The following CDH12 variants were observed in gnomAD, a reference collection of about 807,000 sequenced individuals.
CDH12 encodes the protein cadherin 12.
Under a neutral mutation model 74.1 loss-of-function variants are expected in CDH12, and 41 were observed. The observed-to-expected ratio is 0.55, with a 90% CI of 0.43 to 0.72. CDH12 has a LOEUF of 0.72. CDH12 is among the 30% of genes least tolerant of loss of function. The probability of loss-of-function intolerance (pLI) is 0.00; values close to 1 mark genes in which losing one functional copy is unlikely to be tolerated. For synonymous variants in CDH12, 399 were observed against 355.0 expected, an observed-to-expected ratio of 1.12 and a Z score of -1.39; for missense variants, 945 against 977.2, an observed-to-expected ratio of 0.97 and a Z score of 0.44.
At chr5:21,876,020 G>A (rs1751920255) in intron 6 of CDH12, among the ~76,000 whole-genome samples, 1 of 150,630 alleles carries the variant, frequency 6.6e-6, no homozygotes, top group Non-Finnish European at 1.5e-5. Flanking sequence ...CTCAGCCTTT[G>A]GAGTAGCTGG....
At chr5:22,661,322 T>A (rs1561559486) in intron 1 of CDH12, among the ~76,000 whole-genome samples, 1 of 152,192 alleles carries the variant, frequency 6.6e-6, no homozygotes, top group South Asian at 2.1e-4. Context: ...AAGAACCTCA[T>A]TATCAGTGCC....
At chr5:22,179,541 C>T (rs189355942) in intron 4 of CDH12, among the ~76,000 whole-genome samples, 9 of 152,218 alleles carry the variant, frequency 5.9e-5, no homozygotes, top group African/African-American at 2.2e-4. Context: ...AGTCATTATT[C>T]TTCTAAAATG....
chr5:21,837,612 T>A (rs780236185), intron 8 of CDH12, among the ~76,000 whole-genome samples: 4 of 152,144 alleles, frequency 2.6e-5, no homozygotes, highest in Non-Finnish European at 4.4e-5. Context: ...TAATTCTATA[T>A]CACACTTGAC....
chr5:22,426,049 T>C (rs1368988265), intron 2 of CDH12, among the ~76,000 whole-genome samples: 2 of 152,042 alleles, frequency 1.3e-5, no homozygotes, highest in East Asian at 1.9e-4. Flanking sequence ...TAGCTGGGTG[T>C]GGTGGCGGGC....
intron 1 of CDH12, among the ~76,000 whole-genome samples, chr5:22,528,154 G>C (rs888322839): frequency 6.6e-6 from 1 of 152,156 alleles, no homozygotes; most frequent in Admixed American, 6.6e-5. Flanking sequence ...GTCATAGCCT[G>C]TCCAGAAGAA....
At chr5:22,787,669 G>A (rs568494733) in intron 1 of CDH12, among the ~76,000 whole-genome samples, 4 of 151,856 alleles carry the variant, frequency 2.6e-5, no homozygotes, top group South Asian at 2.1e-4. Context: ...TTCTAAGGGC[G>A]CCTTTGGCTC....
At chr5:21,836,121 A>ATT (rs1305659704) in intron 8 of CDH12, among the ~76,000 whole-genome samples, 1 of 151,640 alleles carries the variant, frequency 6.6e-6, no homozygotes, top group Non-Finnish European at 1.5e-5. Flanking sequence ...TTTTATTTTG[A>ATT]TTTTTTATGT....
chr5:22,419,203 C>A (rs147504882), intron 2 of CDH12, among the ~76,000 whole-genome samples: 6 of 152,160 alleles, frequency 3.9e-5, no homozygotes, highest in African/African-American at 1.2e-4. Flanking sequence ...TTTGTTACAC[C>A]GGTAAACACG....
intron 4 of CDH12, chr5:22,141,306 T>C (rs895886696): frequency 1.3e-5 from 2 of 152,216 alleles, no homozygotes; most frequent in African/African-American, 4.8e-5. Flanking sequence ...ATTAGAATGA[T>C]AAATGTTATA....
intron 1 of CDH12, among the ~76,000 whole-genome samples, chr5:22,590,925 C>G (rs1225857162): frequency 6.6e-6 from 1 of 152,078 alleles, no homozygotes; most frequent in African/African-American, 2.4e-5. Context: ...GCGGCTTGTC[C>G]TGAAGATAGT....
At chr5:22,406,872 A>T (rs970878030) in intron 2 of CDH12, among the ~76,000 whole-genome samples, 1 of 152,154 alleles carries the variant, frequency 6.6e-6, no homozygotes, top group African/African-American at 2.4e-5. Flanking sequence ...AACTAATACC[A>T]AGTATATGAG....
intron 11 of CDH12, among the ~76,000 whole-genome samples, chr5:21,777,324 GTC>G (rs1409675018): frequency 5.3e-5 from 8 of 152,032 alleles, no homozygotes; most frequent in Admixed American, 5.2e-4. Context: ...TCTATTCTGA[GTC>G]TCTGTTTTTT....
intron 1 of CDH12, among the ~76,000 whole-genome samples, chr5:22,735,567 C>T (rs531160466): frequency 1.3e-5 from 2 of 151,872 alleles, no homozygotes; most frequent in South Asian, 4.1e-4. Context: ...AGTTTTAGTT[C>T]CTAAAGTAGT....
chr5:21,883,715 T>G (rs2150036005), intron 6 of CDH12: 10 of 1,606,904 alleles, frequency 6.2e-6, no homozygotes, highest in Middle Eastern at 3.6e-4. Context: ...AAGAAATCAT[T>G]GGGCAGTTAG....
At chr5:22,362,675 C>T (rs1740863121) in intron 3 of CDH12, among the ~76,000 whole-genome samples, 2 of 151,796 alleles carry the variant, frequency 1.3e-5, no homozygotes, top group Non-Finnish European at 2.9e-5. Context: ...AGACTTGGAA[C>T]CAACCCAAAT....
chr5:22,041,015 G>C (rs962132137), intron 5 of CDH12, among the ~76,000 whole-genome samples: 3 of 151,954 alleles, frequency 2.0e-5, no homozygotes, highest in Non-Finnish European at 2.9e-5. Flanking sequence ...ACAATAACTT[G>C]TTTTAAAATA....
chr5:21,926,731 T>C (rs966333383), intron 6 of CDH12, among the ~76,000 whole-genome samples: 4 of 151,710 alleles, frequency 2.6e-5, no homozygotes, highest in African/African-American at 4.8e-5. Flanking sequence ...GAAGAAAAAA[T>C]AGAGATTAAT....
chr5:22,359,061 T>C (rs563344552), intron 3 of CDH12, among the ~76,000 whole-genome samples: 14 of 152,114 alleles, frequency 9.2e-5, no homozygotes, highest in Non-Finnish European at 1.9e-4. Flanking sequence ...AATGACAGGA[T>C]CAAATTCAAA....
intron 1 of CDH12, among the ~76,000 whole-genome samples, chr5:22,673,524 T>A (rs1741012014): frequency 6.6e-6 from 1 of 152,126 alleles, no homozygotes; most frequent in Admixed American, 6.6e-5. Context: ...TTAACACAGA[T>A]TTTTTATTAA....
Sources: gnomAD v4.1 joint callset for allele counts (sites outside exome capture counted in the v4.1 genomes callset) on GRCh38, gnomAD v4.1.1 for gene constraint, MANE v1.5 for transcripts, NCBI Gene and HGNC (gene_info 2026-07-23, HGNC 2026-07-21) for gene names.